NUCKS1: variants seen among roughly 807,000 people sequenced by gnomAD.
NUCKS1 encodes the protein nuclear casein kinase and cyclin dependent kinase substrate 1.
NUCKS1 carries 2 observed loss-of-function variants against 33.0 expected under a neutral mutation model. The ratio of observed to expected loss-of-function variants is 0.06; its 90% confidence interval spans 0.02 to 0.19. The LOEUF is 0.19. Ranked by LOEUF, NUCKS1 falls within the 10% of genes least tolerant of loss-of-function variation. The pLI, the probability that NUCKS1 is intolerant of heterozygous loss-of-function variation, is 1.00. For missense variants in NUCKS1, 201 were observed against 293.6 expected, an observed-to-expected ratio of 0.68 and a Z score of 2.31; for synonymous variants, 106 against 102.8, an observed-to-expected ratio of 1.03 and a Z score of -0.19.
Position 205,723,946 on chromosome 1 carries a change from T to A in NUCKS1, c.209A>T (p.Lys70Met). The A allele has an allele frequency of 6.2e-7, 1 of 1,611,766 alleles. No individual in the cohort carries two copies. The highest frequency in any genetic ancestry group is 1.3e-5 in the African/African-American group (1 of 75,012). ...DSEDKDVKTK[K>M]DDSHSAEDSE... is the part of the protein sequence containing the mutation. ...ACTACCTGCTGAGTGAGAATCATCC[T>A]TCTTGGTCTTCACATCTTTGTCTTC... Residue 70 changes from lysine (K) to methionine (M), a missense_variant, in exon 4 of 7, where the codon AAG becomes ATG. By Grantham distance (95) the Lys-to-Met change is moderately conservative. Coordinates refer to ENST00000367142, the MANE Select transcript of NUCKS1 (RefSeq NM_022731.5).
chr1:205,740,568 C>T (rs1008015829), intron 1 of NUCKS1, among the ~76,000 whole-genome samples: 2 of 151,804 alleles, frequency 1.3e-5, no homozygotes, highest in African/African-American at 4.8e-5. Context: ...TGAGATCAGG[C>T]CACTGCACTC....
At chr1:205,720,972 A>G (rs2102430702) in intron 4 of NUCKS1, among the ~76,000 whole-genome samples, 1 of 152,308 alleles carries the variant, frequency 6.6e-6, no homozygotes, top group South Asian at 2.1e-4. Context: ...ACATGGATGG[A>G]GCTGGAGGCC....
chr1:205,742,996 A>C (rs923505230), intron 1 of NUCKS1, among the ~76,000 whole-genome samples: 2 of 152,218 alleles, frequency 1.3e-5, no homozygotes, highest in African/African-American at 4.8e-5. Context: ...TTGTTTTTAA[A>C]ATGCAAATTT....
intron 1 of NUCKS1, among the ~76,000 whole-genome samples, chr1:205,743,909 A>AT (rs1443804625): frequency 6.6e-6 from 1 of 152,180 alleles, no homozygotes; most frequent in Non-Finnish European, 1.5e-5. Context: ...TGAGCCCCTC[A>AT]TTCCCTTTTT....
intron 1 of NUCKS1, among the ~76,000 whole-genome samples, chr1:205,734,820 G>A (rs920481750): frequency 3.3e-5 from 5 of 152,196 alleles, no homozygotes; most frequent in South Asian, 4.1e-4. Flanking sequence ...GCTTGAACCC[G>A]GAAGGTGGAG....
At position 205,718,085 on chromosome 1, in the gene NUCKS1, TAAAAAAA is replaced by T. The variant is rs78311899; in HGVS notation, c.*188_*194del. On this transcript the variant is annotated 3_prime_UTR_variant, in exon 7 of 7. Transcript: ENST00000367142. Reference sequence around the variant, plus strand: ...CACTTACACATACAATGGTTTGCTTTAAAAAAAAAAAAAAAAAAAGAGAGAGAGAGAG... The same window carrying T: ...CACTTACACATACAATGGTTTGCTTTAAAAAAAAAAAAGAGAGAGAGAGAG... 6 of 1,020,766 alleles carry T rather than the reference TAAAAAAA, an allele frequency of 5.9e-6. No individual in the cohort carries two copies. The highest frequency in any genetic ancestry group is 4.0e-5 in the South Asian group (1 of 25,068). 63.2% of individuals were successfully genotyped at this position (1,020,766 alleles called of 1,614,324 possible).
At position 205,743,449 on chromosome 1, in the gene NUCKS1, AAAAC is replaced by A. The variant is rs1654232353; in HGVS notation, c.17+6504_17+6507del. 2.0e-5 allele frequency among the ~76,000 whole-genome samples: 3 copies of A among 152,228 alleles called. No homozygotes were observed. In the South Asian group the frequency reaches 6.2e-4, roughly 31 times the overall value. On this transcript the variant is annotated intron_variant, in intron 1 of 6. Coordinates refer to ENST00000367142, the MANE Select transcript of NUCKS1 (RefSeq NM_022731.5). ...CCAATAATTAATCACTAATCGACTT[AAAAC>A]ACTAAAAACTCAACCACTTAACCTA...
At position 205,717,325 on chromosome 1, in the gene NUCKS1, C is replaced by T. The variant is rs755760278; in HGVS notation, c.*955G>A. 252 of 987,112 alleles carry T rather than the reference C, an allele frequency of 2.6e-4. No individual in the cohort carries two copies. Among genetic ancestry groups the T allele is most frequent in the Non-Finnish European group, 2.9e-4 (241 of 829,996 alleles). The allele number at this position is 987,112 out of a possible 1,614,324, so 61.1% of individuals were successfully genotyped here. A position where few individuals can be genotyped will look rare whatever the true frequency, so the allele number is the denominator to read the frequency against. ...TAACTGGAACTTTATTTGCTTAAAA[C>T]CTAAACATTGTCAGTTTGAAAAGAA... On this transcript the variant is annotated 3_prime_UTR_variant, in exon 7 of 7. Transcript: ENST00000367142.
intron 4 of NUCKS1, among the ~76,000 whole-genome samples, chr1:205,721,953 C>G (rs539729786): frequency 6.6e-6 from 1 of 151,980 alleles, no homozygotes; most frequent in East Asian, 1.9e-4. Flanking sequence ...GAATTACAGG[C>G]GTGAGCCACT....
rs997839062 is a variant in NUCKS1, at chr1:205,717,368, G to A, written c.*912C>T. ...GAAAAGAAATCCACTGTGACCTGTAGACTGATCTTGTTGATTAAATTCTAG... is the reference window on the plus strand; with the variant it reads ...GAAAAGAAATCCACTGTGACCTGTAAACTGATCTTGTTGATTAAATTCTAG... On this transcript the variant is annotated 3_prime_UTR_variant, in exon 7 of 7. Transcript: ENST00000367142. The A allele has an allele frequency of 1.2e-5, 12 of 984,360 alleles. No homozygotes were observed. The highest frequency in any genetic ancestry group is 1.4e-5 in the Non-Finnish European group (12 of 828,562). 61.0% of individuals were successfully genotyped at this position (984,360 alleles called of 1,614,324 possible). A position where few individuals can be genotyped will look rare whatever the true frequency, so the allele number is the denominator to read the frequency against.
Position 205,749,851 on chromosome 1 carries a change from C to T in NUCKS1, c.17+106G>A, listed in dbSNP as rs556500770. 9.4e-5 allele frequency: 120 copies of T among 1,270,864 alleles called. No homozygotes were observed. The African/African-American group carries it at 1.7e-3, about 17-fold the overall frequency. 78.7% of individuals were successfully genotyped at this position (1,270,864 alleles called of 1,614,324 possible). ...GCGGGCCCCGAAAGGGAGGAGGCCG[C>T]GCGCGGCACCGGGGATGGCGGACTC... On this transcript the variant is annotated intron_variant, in intron 1 of 6. Coordinates refer to ENST00000367142, the MANE Select transcript of NUCKS1 (RefSeq NM_022731.5).
chr1:205,743,902 G>A (rs988206110), intron 1 of NUCKS1, among the ~76,000 whole-genome samples: 4 of 152,142 alleles, frequency 2.6e-5, no homozygotes, highest in African/African-American at 9.7e-5. Context: ...TGTAAAATGA[G>A]CCCCTCATTC....
At position 205,716,895 on chromosome 1, in the gene NUCKS1, C is replaced by T. The variant is rs1480693258; in HGVS notation, c.*1385G>A. 6.6e-6 allele frequency: 1 copy of T among 152,158 alleles called. No individual in the cohort carries two copies. The highest frequency in any genetic ancestry group is 1.5e-5 in the Non-Finnish European group (1 of 68,044). The allele number at this position is 152,158 out of a possible 1,614,324, so 9.4% of individuals were successfully genotyped here. A position where few individuals can be genotyped will look rare whatever the true frequency, so the allele number is the denominator to read the frequency against. ...AAAATGCCTTGTTTCTCTAGTCCCTCCTGCTTTAAGCAGCATGAGCAGTAA... is the reference window on the plus strand; with the variant it reads ...AAAATGCCTTGTTTCTCTAGTCCCTTCTGCTTTAAGCAGCATGAGCAGTAA... On this transcript the variant is annotated 3_prime_UTR_variant, in exon 7 of 7. Transcript: ENST00000367142.
At chr1:205,748,166 A>G (rs1056344347) in intron 1 of NUCKS1, among the ~76,000 whole-genome samples, 1 of 152,208 alleles carries the variant, frequency 6.6e-6, no homozygotes, top group Non-Finnish European at 1.5e-5. Context: ...CCCACATGGT[A>G]ACATAAAAAA....
intron 1 of NUCKS1, among the ~76,000 whole-genome samples, chr1:205,741,267 T>G (rs1571586795): frequency 1.7e-5 from 2 of 119,048 alleles, no homozygotes; most frequent in African/African-American, 3.3e-5. Flanking sequence ...GCCACTGCAC[T>G]CCAGCCTGGG....
At chr1:205,724,172 C>T (rs1249924640) in intron 3 of NUCKS1, 191 bp from the exon 4 acceptor site, 16 of 611,340 alleles carry the variant, frequency 2.6e-5, no homozygotes, top group Non-Finnish European at 4.2e-5. Context: ...ATTTTATTTA[C>T]GTTACAAAAC....
At chr1:205,746,453 T>TCACACACA (rs1216661558) in intron 1 of NUCKS1, among the ~76,000 whole-genome samples, 6 of 124,576 alleles carry the variant, frequency 4.8e-5, no homozygotes, top group African/African-American at 1.9e-4. Flanking sequence ...TCTCTCTCTC[T>TCACACACA]CACACACACA....
intron 4 of NUCKS1, among the ~76,000 whole-genome samples, chr1:205,721,474 C>G (rs966680254): frequency 2.6e-5 from 4 of 152,142 alleles, no homozygotes; most frequent in Non-Finnish European, 5.9e-5. Context: ...CTACAATTCT[C>G]AATTACATTC....
chr1:205,745,932 T>A (rs1463511849), intron 1 of NUCKS1, among the ~76,000 whole-genome samples: 2 of 152,302 alleles, frequency 1.3e-5, no homozygotes, highest in African/African-American at 2.4e-5. Flanking sequence ...AAAATGAAAA[T>A]TTTAAACACT....
Sources: allele counts gnomAD v4.1 joint callset (sites outside exome capture counted in the v4.1 genomes callset), GRCh38; gene constraint gnomAD v4.1.1; transcripts MANE v1.5; gene names NCBI Gene and HGNC (gene_info 2026-07-23, HGNC 2026-07-21).